ZSWIM4: variants seen among roughly 807,000 people sequenced by gnomAD.
ZSWIM4 encodes zinc finger SWIM domain-containing protein 4.
ZSWIM4 carries 62 observed loss-of-function variants against 102.5 expected under a neutral mutation model. That is an observed-to-expected ratio of 0.60 (90% CI 0.49 to 0.75). The LOEUF (loss-of-function observed/expected upper bound fraction) is 0.75. Among genes scored for constraint, ZSWIM4 ranks in the 30% least tolerant of loss-of-function variants. The pLI, the probability that ZSWIM4 is intolerant of heterozygous loss-of-function variation, is 0.00. For missense variants in ZSWIM4, 1,280 were observed against 1,529.6 expected (o/e 0.84, Z 2.72); for synonymous variants, 652 against 674.5 (o/e 0.97, Z 0.52).
intron 6 of ZSWIM4, among the ~76,000 whole-genome samples, chr19:13,814,252 T>C (rs954715348): frequency 1.1e-4 from 17 of 152,150 alleles, no homozygotes; most frequent in Middle Eastern, 6.8e-3. Flanking sequence ...TGTCGCCATG[T>C]TGGCCAGGCT....
chr19:13,826,393 G>A (rs1417563162), intron 12 of ZSWIM4, among the ~76,000 whole-genome samples: 1 of 152,098 alleles, frequency 6.6e-6, no homozygotes, highest in African/African-American at 2.4e-5. Flanking sequence ...CCTAAGGAGA[G>A]GGATTCACCA....
rs1974583258 is a variant in ZSWIM4 at position 13,795,480 on chromosome 19, GC to G, written c.-167del. ...AGTCTTAAAGGGGCCGCATCACCCT[GC>G]CGGCCCGGCGCGGGTCGGGGGTGGG... is the stretch of plus-strand genomic sequence containing the variant. On this transcript the variant is annotated 5_prime_UTR_variant, in exon 1 of 14. Transcript: ENST00000590508. 4.8e-6 allele frequency: 1 copy of G among 206,424 alleles called. No homozygotes were observed. Among genetic ancestry groups the G allele is most frequent in the African/African-American group, 2.3e-5 (1 of 42,618 alleles). 12.8% of individuals were successfully genotyped at this position (206,424 alleles called of 1,614,324 possible).
chr19:13,825,754 C>G lies in ZSWIM4; in HGVS notation c.2379+41C>G, dbSNP rs530503450. 2 of 1,581,216 alleles carry G rather than the reference C, an allele frequency of 1.3e-6. No individual in the cohort carries two copies. The highest frequency in any genetic ancestry group is 1.1e-5 in the South Asian group (1 of 88,154). ...TGGATGCGGGAGGGCGATGGTGGCT[C>G]GGGGCCAGGACTGACTGTGAGCTGC... On this transcript the variant is annotated intron_variant, in intron 12 of 13. Coordinates refer to ENST00000590508, the MANE Select transcript of ZSWIM4 (RefSeq NM_001367834.3). This position sits in a 1 kb window ranked among gnomAD's most constrained non-coding sequence, Gnocchi z 4.6.
In ZSWIM4 at chr19:13,808,845, A is replaced by G; in HGVS notation, c.722A>G (p.Asp241Gly). ...CCCTCCCTCCCGGCAGGTGCCCCAG[A>G]CCCCACCGCCGGCGCAGGAATCGAG... ...SEINLVNGAP[D>G]PTAGAGIEDA... The change falls in exon 4 of 14, where the codon GAC becomes GGC. Residue 241 changes from aspartate to glycine, a missense_variant. Coordinates refer to ENST00000590508, the MANE Select transcript of ZSWIM4 (RefSeq NM_001367834.3). The G allele has an allele frequency of 6.2e-7, 1 of 1,604,782 alleles. No homozygotes were observed.
chr19:13,816,154 G>C (rs1296349891), intron 7 of ZSWIM4, among the ~76,000 whole-genome samples: 2 of 152,018 alleles, frequency 1.3e-5, no homozygotes, highest in Non-Finnish European at 1.5e-5. Flanking sequence ...CCAGTTGAGA[G>C]AGCTAGTCGA....
chr19:13,821,669 CCCA>C (rs1413213342), intron 10 of ZSWIM4, among the ~76,000 whole-genome samples: 42 of 152,254 alleles, frequency 2.8e-4, no homozygotes, highest in African/African-American at 9.9e-4. Flanking sequence ...ACCTAAGCCT[CCCA>C]CCAAGTAACT....
At chr19:13,808,808 T>C (rs775126368) in intron 3 of ZSWIM4, 28 bp from the exon 4 acceptor site, 6 of 1,425,046 alleles carry the variant, frequency 4.2e-6, no homozygotes, top group Non-Finnish European at 5.6e-6. Context: ...AGCCCCAGCC[T>C]CAGCTTCCTT....
intron 12 of ZSWIM4, among the ~76,000 whole-genome samples, chr19:13,828,058 A>G (rs1428553111): frequency 6.6e-6 from 1 of 152,198 alleles, no homozygotes; most frequent in Non-Finnish European, 1.5e-5. Flanking sequence ...ACCTGAGAGC[A>G]TTTTCAAGCA....
At chr19:13,811,801 T>G (rs1289295502) in intron 5 of ZSWIM4, among the ~76,000 whole-genome samples, 1 of 152,054 alleles carries the variant, frequency 6.6e-6, no homozygotes, top group African/African-American at 2.4e-5. Context: ...ATAGGCCGGG[T>G]GCAGTGGCTC....
Position 13,830,450 on chromosome 19 carries a change from G to T in ZSWIM4, c.2721G>T (p.Gln907His). Residue 907 changes from glutamine (Q) to histidine (H), a missense_variant, in exon 14 of 14, where the codon CAG becomes CAT. Gln to His is a conservative substitution (Grantham distance 24, BLOSUM62 0). Transcript: ENST00000590508. Reference protein sequence around the residue: ...KNHSAFEAAYQIVLDAAAGGL... With the variant: ...KNHSAFEAAYHIVLDAAAGGL... ...ACTCGGCCTTCGAGGCGGCCTACCAGATCGTGCTGGACGCGGCGGCCGGCG... is the reference window on the plus strand; with the variant it reads ...ACTCGGCCTTCGAGGCGGCCTACCATATCGTGCTGGACGCGGCGGCCGGCG... 1 of 1,607,342 alleles carries T rather than the reference G, an allele frequency of 6.2e-7. No homozygotes were observed.
intron 9 of ZSWIM4, among the ~76,000 whole-genome samples, chr19:13,818,591 C>A (rs577848587): frequency 6.6e-6 from 1 of 152,210 alleles, no homozygotes; most frequent in Admixed American, 6.5e-5. Context: ...TTGCGACAGT[C>A]TTCACTCTGT....
At chr19:13,823,320 C>T in intron 10 of ZSWIM4, 26 bp from the exon 11 acceptor site, 1 of 1,601,172 alleles carries the variant, frequency 6.2e-7, no homozygotes, top group Non-Finnish European at 8.5e-7. Flanking sequence ...CCCTCCTCAC[C>T]ATGGCTCACT....
Position 13,814,611 on chromosome 19 carries a change from A to G in ZSWIM4, c.1277A>G (p.Tyr426Cys). Residue 426 changes from tyrosine (Y) to cysteine (C), a missense_variant, in exon 7 of 14, where the codon TAC becomes TGC. Physicochemically the swap from Tyr to Cys is radical, Grantham distance 194 (BLOSUM62 -2). Coordinates refer to ENST00000590508, the MANE Select transcript of ZSWIM4 (RefSeq NM_001367834.3). ...LAGELHWNDA[Y>C]LQRILASDSY... ...GGAGAGCTACACTGGAATGACGCCTACCTGCAGAGGATCCTGGCCAGTGAC... is the reference window on the plus strand; with the variant it reads ...GGAGAGCTACACTGGAATGACGCCTGCCTGCAGAGGATCCTGGCCAGTGAC... 8.0e-7 allele frequency: 1 copy of G among 1,243,406 alleles called. No homozygotes were observed. The highest frequency in any genetic ancestry group is 1.0e-6 in the Non-Finnish European group (1 of 958,188). The allele number at this position is 1,243,406 out of a possible 1,614,324, so 77.0% of individuals were successfully genotyped here. A position where few individuals can be genotyped will look rare whatever the true frequency, so the allele number is the denominator to read the frequency against.
chr19:13,825,408 C>A lies in ZSWIM4; in HGVS notation c.2216-142C>A. On this transcript the variant is annotated intron_variant, in intron 11 of 13. Coordinates refer to ENST00000590508, the MANE Select transcript of ZSWIM4 (RefSeq NM_001367834.3). The surrounding 1 kb of genome is among the most constrained non-coding windows in gnomAD (Gnocchi z 4.6). ...AGGGGCACTGAGGTCTGAATCTTCA[C>A]AGAACCATGGCCCAGTACACATCCC... is the stretch of plus-strand genomic sequence containing the variant. The A allele has an allele frequency of 9.8e-7, 1 of 1,018,422 alleles. No individual in the cohort carries two copies. The highest frequency in any genetic ancestry group is 1.4e-6 in the Non-Finnish European group (1 of 697,362). The allele number at this position is 1,018,422 out of a possible 1,614,324, so 63.1% of individuals were successfully genotyped here.
chr19:13,816,199 G>A (rs566986725), intron 7 of ZSWIM4, among the ~76,000 whole-genome samples: 21 of 152,196 alleles, frequency 1.4e-4, no homozygotes, highest in Non-Finnish European at 2.5e-4. Flanking sequence ...GAAATTGAAC[G>A]AAGAAAAGTG....
At chr19:13,814,430 T>G in intron 6 of ZSWIM4, 85 bp from the exon 7 acceptor site, 8 of 718,866 alleles carry the variant, frequency 1.1e-5, no homozygotes, top group East Asian at 1.0e-4. Flanking sequence ...TAAACCCCAG[T>G]TAGTACTTGG....
intron 10 of ZSWIM4, among the ~76,000 whole-genome samples, chr19:13,822,997 A>G (rs1310199881): frequency 6.6e-6 from 1 of 151,476 alleles, no homozygotes; most frequent in Non-Finnish European, 1.5e-5. Context: ...AAAAAAAGAA[A>G]GAAAAAAGCC....
chr19:13,819,266 A>G (rs955080004), intron 9 of ZSWIM4, 91 bp from the exon 10 acceptor site: 1 of 1,545,964 alleles, frequency 6.5e-7, no homozygotes, highest in African/African-American at 1.4e-5. Context: ...GGGCCAGCCC[A>G]CCCTCTACTT....
chr19:13,807,333 C>T (rs1041415703), intron 3 of ZSWIM4, among the ~76,000 whole-genome samples: 1 of 149,150 alleles, frequency 6.7e-6, no homozygotes, highest in African/African-American at 2.5e-5. Flanking sequence ...GGGATATGGC[C>T]AGGTAGATAG....
Sources: allele counts gnomAD v4.1 joint callset (sites outside exome capture counted in the v4.1 genomes callset), GRCh38; gene constraint gnomAD v4.1.1; non-coding constraint Gnocchi (gnomAD v3.1); transcripts MANE v1.5; gene names NCBI Gene and HGNC (gene_info 2026-07-23, HGNC 2026-07-21).